DLGAP4: variants seen among roughly 807,000 people sequenced by gnomAD.
DLGAP4 encodes the protein disks large-associated protein 4.
Under a neutral mutation model 86.9 loss-of-function variants are expected in DLGAP4, and 18 were observed. The observed-to-expected ratio is 0.21, with a 90% confidence interval of 0.14 to 0.31. The LOEUF is 0.31. Among genes scored for constraint, DLGAP4 ranks in the 10% least tolerant of loss-of-function variants. The pLI, the probability that DLGAP4 is intolerant of heterozygous loss-of-function variation, is 1.00. For synonymous variants in DLGAP4, 548 were observed against 574.3 expected (o/e 0.95, Z 0.65); for missense variants, 1,085 against 1,362.6 (o/e 0.80, Z 3.21).
intron 8 of DLGAP4, chr20:36,499,147 A>C: frequency 1.6e-6 from 2 of 1,257,524 alleles, no homozygotes; most frequent in Non-Finnish European, 2.2e-6. Context: ...GCCAGCTTCA[A>C]CTACACCAGA....
chr20:36,329,537 C>T (rs373712290), intron 1 of DLGAP4, among the ~76,000 whole-genome samples: 1 of 152,184 alleles, frequency 6.6e-6, no homozygotes, highest in Non-Finnish European at 1.5e-5. Context: ...AAAACTGAGT[C>T]AGAAGTGGCC....
chr20:36,332,424 C>G (rs1721118510), intron 1 of DLGAP4, among the ~76,000 whole-genome samples: 1 of 152,090 alleles, frequency 6.6e-6, no homozygotes, highest in African/African-American at 2.4e-5. Flanking sequence ...GGGTCTCACT[C>G]TGTTGCTCAG....
Position 36,393,342 on chromosome 20 carries a change from C to T in DLGAP4, c.-73+26067C>T, listed in dbSNP as rs1400236597. On this transcript the variant is annotated intron_variant, in intron 2 of 12. Transcript: ENST00000339266. This position sits in a 1 kb window ranked among gnomAD's most constrained non-coding sequence, Gnocchi z 4.4. ...GTGAGAACCCCAAGCTCTACACTCC[C>T]TCGCTGTGTGGCCTAGGGTCTCCTC... Among the ~76,000 whole-genome samples the T allele has an allele frequency of 6.6e-6, 1 of 152,096 alleles. No homozygotes were observed. Among genetic ancestry groups the T allele is most frequent in the Admixed American group, 6.5e-5 (1 of 15,288 alleles).
chr20:36,343,083 C>A (rs2065400092), intron 1 of DLGAP4, among the ~76,000 whole-genome samples: 1 of 152,074 alleles, frequency 6.6e-6, no homozygotes, highest in Admixed American at 6.5e-5. Flanking sequence ...GGCCTTCTGG[C>A]CCTCAGCCCC....
chr20:36,400,468 A>G (rs981949416), intron 2 of DLGAP4, among the ~76,000 whole-genome samples: 1 of 152,144 alleles, frequency 6.6e-6, no homozygotes, highest in African/African-American at 2.4e-5. Context: ...TCTCCTTTAT[A>G]TTTCAGTTAG....
intron 7 of DLGAP4, chr20:36,492,904 G>A (rs2053943296): frequency 6.6e-6 from 1 of 152,086 alleles, no homozygotes; most frequent in South Asian, 2.1e-4. Context: ...TGTCTCTGCT[G>A]GTGGCCATAG....
chr20:36,475,981 T>C (rs1341063510), intron 7 of DLGAP4, among the ~76,000 whole-genome samples: 1 of 151,940 alleles, frequency 6.6e-6, no homozygotes, highest in Non-Finnish European at 1.5e-5. Flanking sequence ...TGCCTCAGCC[T>C]CCCGAGTAGC....
chr20:36,428,420 C>G (rs763116890), intron 2 of DLGAP4, among the ~76,000 whole-genome samples: 4 of 152,114 alleles, frequency 2.6e-5, no homozygotes, highest in Non-Finnish European at 5.9e-5. Context: ...GCAGTGAGAG[C>G]TATGAAGAAA....
chr20:36,427,903 A>G (rs2033023847), intron 2 of DLGAP4, among the ~76,000 whole-genome samples: 1 of 152,180 alleles, frequency 6.6e-6, no homozygotes, highest in African/African-American at 2.4e-5. Context: ...AGACCACCCC[A>G]TTGCACTCCA....
At chr20:36,408,420 G>A (rs933290083) in intron 2 of DLGAP4, among the ~76,000 whole-genome samples, 4 of 152,116 alleles carry the variant, frequency 2.6e-5, no homozygotes, top group African/African-American at 9.7e-5. Flanking sequence ...CTCCCCATCC[G>A]TCATTGGTTG....
intron 7 of DLGAP4, chr20:36,462,598 A>G (rs746377522): frequency 3.3e-5 from 53 of 1,596,462 alleles, no homozygotes; most frequent in Admixed American, 7.0e-5. Context: ...TCTTGAAGCA[A>G]TGTGAGTGGT....
At chr20:36,344,257 G>A (rs750232561) in intron 1 of DLGAP4, among the ~76,000 whole-genome samples, 1 of 152,222 alleles carries the variant, frequency 6.6e-6, no homozygotes, top group Admixed American at 6.5e-5. Context: ...CTGAGTCTCA[G>A]AATATTCATC....
chr20:36,411,769 C>T (rs761556104), intron 2 of DLGAP4, among the ~76,000 whole-genome samples: 18 of 152,170 alleles, frequency 1.2e-4, no homozygotes, highest in Non-Finnish European at 2.4e-4. Flanking sequence ...AAAGCCCATG[C>T]CCACCACATG....
chr20:36,499,234 G>A (rs566349598), intron 8 of DLGAP4: 26 of 1,608,510 alleles, frequency 1.6e-5, no homozygotes, highest in Admixed American at 5.1e-5. Context: ...TCTCTGATGC[G>A]TGTGAAGGAG....
Position 36,500,354 on chromosome 20 carries a change from C to A in DLGAP4, c.2255C>A (p.Ala752Asp), listed in dbSNP as rs992694600. 6.2e-7 allele frequency: 1 copy of A among 1,612,772 alleles called. No individual in the cohort carries two copies. Among genetic ancestry groups the A allele is most frequent in the African/African-American group, 1.3e-5 (1 of 74,944 alleles). Residue 752 changes from alanine (A) to aspartate (D), a missense_variant, in exon 10 of 13, where the codon GCC becomes GAC. By Grantham distance (126) the Ala-to-Asp change is moderately radical. Transcript: ENST00000339266. The surrounding 1 kb of genome is among the most constrained non-coding windows in gnomAD (Gnocchi z 4.6). ...SISIDAGPRQ[A>D]PKIAQIKRNL... ...AGCATCGATGCCGGTCCCCGGCAGG[C>A]CCCCAAGATTGCCCAGATCAAGCGC... is the stretch of plus-strand genomic sequence containing the variant.
At chr20:36,374,087 C>T (rs1261671628) in intron 2 of DLGAP4, among the ~76,000 whole-genome samples, 5 of 150,964 alleles carry the variant, frequency 3.3e-5, no homozygotes, top group African/African-American at 4.9e-5. Flanking sequence ...CCAGATCTTA[C>T]GGTCAGAAGC....
chr20:36,396,356 C>CGGACACACACCA (rs144783809), intron 2 of DLGAP4, among the ~76,000 whole-genome samples: 2 of 26,878 alleles, frequency 7.4e-5, no homozygotes, highest in Admixed American at 5.0e-4. Flanking sequence ...CACACACATA[C>CGGACACACACCA]CACACGCACA....
chr20:36,509,765 A>G (rs1052800945), intron 10 of DLGAP4, among the ~76,000 whole-genome samples: 4 of 152,022 alleles, frequency 2.6e-5, no homozygotes, highest in African/African-American at 7.2e-5. Context: ...AACAAAAAGT[A>G]CTTTAAAAAT....
chr20:36,373,650 C>G (rs2031028901), intron 2 of DLGAP4, among the ~76,000 whole-genome samples: 1 of 152,132 alleles, frequency 6.6e-6, no homozygotes, highest in Admixed American at 6.5e-5. Flanking sequence ...CAAATGGTAG[C>G]CAAACCCAGC....
Sources: allele counts gnomAD v4.1 joint callset (sites outside exome capture counted in the v4.1 genomes callset), GRCh38; gene constraint gnomAD v4.1.1; non-coding constraint Gnocchi (gnomAD v3.1); transcripts MANE v1.5; gene names NCBI Gene and HGNC (gene_info 2026-07-23, HGNC 2026-07-21).